UCP2: variants seen among roughly 807,000 people sequenced by gnomAD.
The protein encoded by UCP2 is uncoupling protein 2.
In UCP2, 27 loss-of-function variants were observed where a neutral mutation model predicts 31.3. The ratio of observed to expected loss-of-function variants is 0.86; its 90% confidence interval spans 0.64 to 1.19. The LOEUF is 1.19. UCP2 is among the 50% of genes most tolerant of loss of function. The pLI is 0.00. For missense variants in UCP2, 377 were observed against 413.5 expected (o/e 0.91, Z 0.76); for synonymous variants, 142 against 157.4 (o/e 0.90, Z 0.73).
intron 4 of UCP2, among the ~76,000 whole-genome samples, chr11:73,977,221 C>T (rs1257017008): frequency 6.6e-6 from 1 of 152,244 alleles, no homozygotes; most frequent in East Asian, 1.9e-4. Flanking sequence ...TTGCTAGGGA[C>T]ATAGCAAGGG....
At chr11:73,980,520 G>T (rs913391579) in intron 2 of UCP2, among the ~76,000 whole-genome samples, 5 of 152,130 alleles carry the variant, frequency 3.3e-5, no homozygotes, top group African/African-American at 1.2e-4. Flanking sequence ...GGACTCCCCA[G>T]ATTCCCTGCT....
At chr11:73,978,201 G>A in intron 3 of UCP2, 52 bp downstream of exon 3, 2 of 1,614,028 alleles carry the variant, frequency 1.2e-6, no homozygotes, top group Middle Eastern at 1.6e-4. Flanking sequence ...CTGTGTCTTT[G>A]GGGAGGGAAC....
Position 73,974,824 on chromosome 11 carries a change from A to T in UCP2, c.*183T>A. The T allele has an allele frequency of 1.5e-6, 1 of 660,442 alleles. No individual in the cohort carries two copies. 40.9% of individuals were successfully genotyped at this position (660,442 alleles called of 1,614,324 possible). Reference sequence around the variant, plus strand: ...ACTGTCAAATGTCAACTCCACCAGCACTGAGACAATGAGTAGATGAGAATG... The same window carrying T: ...ACTGTCAAATGTCAACTCCACCAGCTCTGAGACAATGAGTAGATGAGAATG... On this transcript the variant is annotated 3_prime_UTR_variant, in exon 8 of 8. Coordinates refer to ENST00000663595, the MANE Select transcript of UCP2 (RefSeq NM_003355.3).
chr11:73,978,201 G>C (rs571993764), intron 3 of UCP2, 52 bp downstream of exon 3: 1 of 1,614,028 alleles, frequency 6.2e-7, no homozygotes, highest in African/African-American at 1.3e-5. Flanking sequence ...CTGTGTCTTT[G>C]GGGAGGGAAC....
In UCP2 at chr11:73,978,392, T is replaced by C. The variant is rs1951398809; in HGVS notation, c.-14A>G. On this transcript the variant is annotated 5_prime_UTR_variant, in exon 3 of 8. Transcript: ENST00000663595. ...GAACCCAACCATGATGCTGATTTCC[T>C]GCTACGTCCCAGGAGATGGAGAAAA... 1 of 1,614,046 alleles carries C rather than the reference T, an allele frequency of 6.2e-7. No homozygotes were observed. Among genetic ancestry groups the C allele is most frequent in the Non-Finnish European group, 8.5e-7 (1 of 1,180,036 alleles).
At chr11:73,982,695 G>C (rs898672946) in intron 1 of UCP2, 26 bp downstream of exon 1, 2 of 152,432 alleles carry the variant, frequency 1.3e-5, no homozygotes, top group Non-Finnish European at 2.9e-5. Flanking sequence ...GGGGCGCAAA[G>C]GGCGCAGGGC....
chr11:73,976,288 CAGG>C (rs1431717885), intron 6 of UCP2, among the ~76,000 whole-genome samples: 2 of 152,088 alleles, frequency 1.3e-5, no homozygotes, highest in African/African-American at 4.8e-5. Flanking sequence ...CGCTTGAACC[CAGG>C]AGGAGAAGGT....
rs1283259538 is a variant in UCP2, at chr11:73,981,475, C to T, written c.-100+1G>A. Reference sequence around the variant, plus strand: ...ACCTCTTCCTTGGACTGGACTCTTACCCGGCTTTGTAAGGTCTCACGGTGA... The same window carrying T: ...ACCTCTTCCTTGGACTGGACTCTTATCCGGCTTTGTAAGGTCTCACGGTGA... On this transcript the variant is annotated splice_donor_variant, in intron 2 of 7. Coordinates refer to ENST00000663595, the MANE Select transcript of UCP2 (RefSeq NM_003355.3). LOFTEE classifies it low-confidence loss of function (5UTR_SPLICE). The T allele has an allele frequency of 6.6e-6, 1 of 152,180 alleles. No homozygotes were observed. The highest frequency in any genetic ancestry group is 1.9e-4 in the East Asian group (1 of 5,204). The allele number at this position is 152,180 out of a possible 1,614,324, so 9.4% of individuals were successfully genotyped here.
chr11:73,980,931 T>A (rs1951442614), intron 2 of UCP2: 1 of 152,222 alleles, frequency 6.6e-6, no homozygotes. Flanking sequence ...AAGACCCAGC[T>A]GCTGCCCAAA....
Position 73,982,819 on chromosome 11 carries a change from G to A in UCP2, c.-355C>T, listed in dbSNP as rs1412955866. 6.6e-6 allele frequency: 1 copy of A among 152,418 alleles called. No homozygotes were observed. The highest frequency in any genetic ancestry group is 2.4e-5 in the African/African-American group (1 of 41,450). The allele number at this position is 152,418 out of a possible 1,614,324, so 9.4% of individuals were successfully genotyped here. ...GGCGAGCGTGGACAGTCAATCCCAA[G>A]GCGCGCGCAGCTGGGCTTCGCAGTG... is the stretch of plus-strand genomic sequence containing the variant. On this transcript the variant is annotated 5_prime_UTR_variant, in exon 1 of 8. Coordinates refer to ENST00000663595, the MANE Select transcript of UCP2 (RefSeq NM_003355.3).
At chr11:73,981,945 G>A (rs45523540) in intron 1 of UCP2, among the ~76,000 whole-genome samples, 8,321 of 152,234 alleles carry the variant, frequency 0.055, 281 homozygotes, top group Middle Eastern at 0.082. Flanking sequence ...GGTCACGATG[G>A]GACAGAGACT....
intron 2 of UCP2, 116 bp downstream of exon 2, chr11:73,981,360 C>A (rs1342386235): frequency 6.6e-6 from 1 of 152,256 alleles, no homozygotes; most frequent in African/African-American, 2.4e-5. Flanking sequence ...GAAAGAGCCA[C>A]TTCACTGTCG....
intron 6 of UCP2, 38 bp downstream of exon 6, chr11:73,976,603 G>T (rs759211500): frequency 6.5e-7 from 1 of 1,544,596 alleles, no homozygotes; most frequent in East Asian, 2.2e-5. Flanking sequence ...TGGCATGGGG[G>T]AAGGGTGAGA....
At position 73,977,398 on chromosome 11, in the gene UCP2, T is replaced by G. The variant is rs150266338; in HGVS notation, c.338-381A>C. 4.0e-3 allele frequency among the ~76,000 whole-genome samples: 602 copies of G among 152,318 alleles called. 1 individual carries two copies. The highest frequency in any genetic ancestry group is 0.013 in the African/African-American group (545 of 41,560). ...GATTCCTAAGACTTGGGATCTCAGG[T>G]CAGCTTTACTTCTTCCTGCCATGTG... is the stretch of plus-strand genomic sequence containing the variant. On this transcript the variant is annotated intron_variant, in intron 4 of 7. Coordinates refer to ENST00000663595, the MANE Select transcript of UCP2 (RefSeq NM_003355.3).
At chr11:73,982,065 C>T (rs568243507) in intron 1 of UCP2, among the ~76,000 whole-genome samples, 27 of 152,234 alleles carry the variant, frequency 1.8e-4, no homozygotes, top group African/African-American at 6.5e-4. Context: ...GAAAAAGCCC[C>T]CAAGCCCTGG....
Position 73,975,668 on chromosome 11 carries a change from T to G in UCP2, c.638A>C (p.Asp213Ala), listed in dbSNP as rs768686327. The change falls in exon 7 of 8, where the codon GAC (aspartate) becomes GCC (alanine). Residue 213 changes from aspartate to alanine, a missense_variant. Physicochemically the swap from Asp to Ala is moderately radical, Grantham distance 126 (BLOSUM62 -2). Coordinates refer to ENST00000663595, the MANE Select transcript of UCP2 (RefSeq NM_003355.3). ...ALLKANLMTD[D>A]LPCHFTSAFG... ...GGCAGAAGTGAAGTGGCAAGGGAGG[T>G]CATCTGCCAAGGAGGAGCAGGCAAG... The G allele has an allele frequency of 3.1e-6, 5 of 1,613,410 alleles. No individual in the cohort carries two copies. In the Admixed American group the frequency reaches 8.3e-5, roughly 27 times the overall value.
In UCP2 at chr11:73,974,993, G is replaced by T; in HGVS notation, c.*14C>A. 1 of 1,605,584 alleles carries T rather than the reference G, an allele frequency of 6.2e-7. No homozygotes were observed. The highest frequency in any genetic ancestry group is 8.5e-7 in the Non-Finnish European group (1 of 1,174,678). On this transcript the variant is annotated 3_prime_UTR_variant, in exon 8 of 8. Coordinates refer to ENST00000663595, the MANE Select transcript of UCP2 (RefSeq NM_003355.3). ...GACAAAGCCAGAGGTGATCAGGTCA[G>T]CAGCAGGAGAGGCTCAGAAGGGAGC...
intron 4 of UCP2, 60 bp downstream of exon 4, chr11:73,977,826 A>G: frequency 6.2e-7 from 1 of 1,605,596 alleles, no homozygotes; most frequent in Middle Eastern, 1.7e-4. Context: ...TGAATGAACT[A>G]AGATCAATCA....
rs1951406978 is a variant in UCP2, at chr11:73,978,963, A to G, written c.-99-486T>C. The G allele has an allele frequency of 4.9e-5, 9 of 184,660 alleles. No individual in the cohort carries two copies. In the South Asian group the frequency reaches 9.4e-4, roughly 19 times the overall value. The allele number at this position is 184,660 out of a possible 1,614,324, so 11.4% of individuals were successfully genotyped here. A position where few individuals can be genotyped will look rare whatever the true frequency, so the allele number is the denominator to read the frequency against. On this transcript the variant is annotated intron_variant, in intron 2 of 7. Transcript: ENST00000663595. ...GGAACTTAAGTCAAGAAGAAAAGGT[A>G]CAAGATGACTAATTCAATCCCTTCC...
Sources: gnomAD v4.1 joint callset for allele counts (sites outside exome capture counted in the v4.1 genomes callset) on GRCh38, gnomAD v4.1.1 for gene constraint, MANE v1.5 for transcripts, NCBI Gene and HGNC (gene_info 2026-07-23, HGNC 2026-07-21) for gene names.